FAXC: variants seen among roughly 807,000 people sequenced by gnomAD.
The protein encoded by FAXC is failed axon connections homolog, metaxin like GST domain containing, also known as failed axon connections homolog.
A neutral mutation model predicts 41.9 loss-of-function variants in FAXC; 10 were observed. The ratio of observed to expected loss-of-function variants is 0.24; its 90% confidence interval spans 0.15 to 0.41. FAXC has a LOEUF of 0.41. Among genes scored for constraint, FAXC ranks in the 10% least tolerant of loss-of-function variants. The pLI is 1.00. For synonymous variants in FAXC, 183 were observed against 183.8 expected, an observed-to-expected ratio of 1.00 and a Z score of 0.03; for missense variants, 399 against 510.9, an observed-to-expected ratio of 0.78 and a Z score of 2.11.
chr6:99,331,653 T>C (rs1240127373), intron 3 of FAXC, among the ~76,000 whole-genome samples: 1 of 152,224 alleles, frequency 6.6e-6, no homozygotes. Flanking sequence ...GGCTTTCAGC[T>C]TTTCAGACAG....
At chr6:99,343,073 T>C in intron 1 of FAXC, 40 bp from the exon 2 acceptor site, 1 of 1,553,138 alleles carries the variant, frequency 6.4e-7, no homozygotes, top group South Asian at 1.3e-5. Context: ...AATCCACATG[T>C]TATCCACATT....
intron 2 of FAXC, among the ~76,000 whole-genome samples, chr6:99,333,949 T>A (rs1053654773): frequency 6.6e-6 from 1 of 152,182 alleles, no homozygotes; most frequent in African/African-American, 2.4e-5. Flanking sequence ...AGGCCTGTAT[T>A]GACTGGACAA....
intron 2 of FAXC, chr6:99,334,469 G>T: frequency 3.9e-6 from 1 of 254,132 alleles, no homozygotes; most frequent in Non-Finnish European, 6.2e-6. Flanking sequence ...GTTGTGCAGT[G>T]AGCAACTTGC....
At chr6:99,291,662 C>T in intron 5 of FAXC, 42 bp downstream of exon 5, 1 of 1,461,002 alleles carries the variant, frequency 6.8e-7, no homozygotes, top group South Asian at 1.1e-5. Context: ...GCCCACCCAG[C>T]CCCAGTAAGC....
Position 99,280,961 on chromosome 6 carries a change from C to A in FAXC, c.*203G>T. ...GAACCATGCTGACATTATTTTTTGC[C>A]TGTTTGTTTTCAATGGAGTCATCTG... is the stretch of plus-strand genomic sequence containing the variant. On this transcript the variant is annotated 3_prime_UTR_variant, in exon 6 of 6. Coordinates refer to ENST00000389677, the MANE Select transcript of FAXC (RefSeq NM_032511.4). 1.9e-6 allele frequency: 1 copy of A among 519,424 alleles called. No individual in the cohort carries two copies. Among genetic ancestry groups the A allele is most frequent in the Non-Finnish European group, 3.4e-6 (1 of 291,354 alleles). 32.2% of individuals were successfully genotyped at this position (519,424 alleles called of 1,614,324 possible).
At chr6:99,340,071 G>A (rs1403247674) in intron 2 of FAXC, among the ~76,000 whole-genome samples, 1 of 152,062 alleles carries the variant, frequency 6.6e-6, no homozygotes, top group African/African-American at 2.4e-5. Flanking sequence ...ATAATTTAGA[G>A]AGAAAGAGAA....
intron 1 of FAXC, among the ~76,000 whole-genome samples, chr6:99,346,035 C>T (rs186649186): frequency 9.3e-4 from 141 of 152,306 alleles, no homozygotes; most frequent in Middle Eastern, 6.8e-3. Flanking sequence ...AAGGTTATGT[C>T]TATGCAGCAG....
At chr6:99,290,973 A>G (rs778258724) in intron 5 of FAXC, among the ~76,000 whole-genome samples, 2 of 151,772 alleles carry the variant, frequency 1.3e-5, no homozygotes, top group Admixed American at 6.6e-5. Context: ...CACCATGCCC[A>G]GGTAATTTTT....
At chr6:99,319,026 T>A (rs956946420) in intron 4 of FAXC, among the ~76,000 whole-genome samples, 3 of 152,202 alleles carry the variant, frequency 2.0e-5, no homozygotes, top group African/African-American at 7.2e-5. Flanking sequence ...TGTGGAGGCA[T>A]CAGGCAACCA....
chr6:99,320,608 G>C (rs1168966291), intron 4 of FAXC, among the ~76,000 whole-genome samples: 1 of 152,062 alleles, frequency 6.6e-6, no homozygotes, highest in African/African-American at 2.4e-5. Context: ...TCAGCAATCT[G>C]CAACATCACC....
intron 4 of FAXC, among the ~76,000 whole-genome samples, chr6:99,297,922 G>A (rs73497628): frequency 0.011 from 1,723 of 152,288 alleles, 36 homozygotes; most frequent in African/African-American, 0.039. Flanking sequence ...TGCTTAGAGC[G>A]AGGCTACTGA....
chr6:99,303,995 C>T (rs528518370), intron 4 of FAXC, among the ~76,000 whole-genome samples: 7 of 152,266 alleles, frequency 4.6e-5, no homozygotes, highest in Admixed American at 6.5e-5. Flanking sequence ...TCAAAAAACA[C>T]GGTCGGCCGG....
intron 2 of FAXC, among the ~76,000 whole-genome samples, chr6:99,340,504 CCA>C (rs1773385413): frequency 6.7e-6 from 1 of 149,330 alleles, no homozygotes; most frequent in Admixed American, 6.7e-5. Flanking sequence ...TGAAGGTTTG[CCA>C]CATAAAGACT....
chr6:99,314,626 A>G (rs4140520), intron 4 of FAXC, among the ~76,000 whole-genome samples: 84,233 of 151,852 alleles, frequency 0.55, 24,369 homozygotes, highest in Middle Eastern at 0.74. Context: ...GGATCACACC[A>G]TGTCCCAACT....
intron 4 of FAXC, among the ~76,000 whole-genome samples, chr6:99,302,474 G>A (rs1771751097): frequency 6.6e-6 from 1 of 152,216 alleles, no homozygotes; most frequent in African/African-American, 2.4e-5. Context: ...TGGCCAACAT[G>A]GTGAAACCCT....
intron 4 of FAXC, among the ~76,000 whole-genome samples, chr6:99,300,338 A>G (rs185791931): frequency 8.8e-4 from 134 of 152,338 alleles, no homozygotes; most frequent in African/African-American, 3.2e-3. Context: ...ACCAGTGTGG[A>G]AAGACTTTAC....
intron 1 of FAXC, among the ~76,000 whole-genome samples, chr6:99,345,826 A>C (rs1773570910): frequency 6.6e-6 from 1 of 152,260 alleles, no homozygotes; most frequent in South Asian, 2.1e-4. Context: ...GCCTGATTGA[A>C]TTTAAGATAG....
chr6:99,283,368 A>T (rs561577094), intron 5 of FAXC, among the ~76,000 whole-genome samples: 1 of 152,342 alleles, frequency 6.6e-6, no homozygotes, highest in South Asian at 2.1e-4. Context: ...ACATTATTGT[A>T]AACATTTTCT....
intron 4 of FAXC, among the ~76,000 whole-genome samples, chr6:99,301,640 C>A (rs558892115): frequency 1.6e-4 from 24 of 152,322 alleles, no homozygotes; most frequent in South Asian, 4.1e-4. Flanking sequence ...GGTTTCTTCA[C>A]AGCCAAGATG....
Sources: allele counts gnomAD v4.1 joint callset (sites outside exome capture counted in the v4.1 genomes callset), GRCh38; gene constraint gnomAD v4.1.1; transcripts MANE v1.5; gene names NCBI Gene and HGNC (gene_info 2026-07-23, HGNC 2026-07-21).